Variants in LYZL1 observed in about 807,000 individuals in gnomAD.
The protein encoded by LYZL1 is lysozyme-like protein 1.
In LYZL1, 16 loss-of-function variants were observed where a neutral mutation model predicts 17.9. That is an observed-to-expected ratio of 0.90 (90% CI 0.61 to 1.36). The LOEUF is 1.36. Among genes scored for constraint, LYZL1 ranks in the 40% most tolerant of loss-of-function variants. LYZL1 has a pLI of 0.00. For missense variants in LYZL1, 149 were observed against 188.4 expected, an observed-to-expected ratio of 0.79 and a Z score of 1.22; for synonymous variants, 58 against 71.8, an observed-to-expected ratio of 0.81 and a Z score of 0.97.
downstream of LYZL1, among the ~76,000 whole-genome samples, chr10:29,311,410 C>T (rs1387945733): frequency 6.6e-6 from 1 of 151,998 alleles, no homozygotes; most frequent in Admixed American, 6.6e-5. Flanking sequence ...CAGGGCCATC[C>T]TCAGAAACAG....
intron 3 of LYZL1, among the ~76,000 whole-genome samples, chr10:29,300,239 A>AT (rs36122374): frequency 0.34 from 51,963 of 151,340 alleles, 9,180 homozygotes; most frequent in African/African-American, 0.45. Context: ...TTTCTTTGGA[A>AT]TTAAAAAAAA....
intron 3 of LYZL1, among the ~76,000 whole-genome samples, chr10:29,302,459 T>C (rs1172295537): frequency 2.0e-5 from 3 of 152,220 alleles, no homozygotes; most frequent in African/African-American, 4.8e-5. Context: ...TGATTATTCA[T>C]AAACGGGTGG....
chr10:29,302,666 G>A (rs1228410629), intron 3 of LYZL1, among the ~76,000 whole-genome samples: 1 of 152,170 alleles, frequency 6.6e-6, no homozygotes, highest in Non-Finnish European at 1.5e-5. Context: ...TCCCTACAGG[G>A]GAAATTCCCT....
chr10:29,314,543 G>A (rs186385325), downstream of LYZL1, among the ~76,000 whole-genome samples: 9 of 152,218 alleles, frequency 5.9e-5, no homozygotes, highest in Admixed American at 5.9e-4. Context: ...GAGCCCAGGA[G>A]TTTGAGGCTT....
At chr10:29,295,406 C>T (rs183785849) in intron 3 of LYZL1, among the ~76,000 whole-genome samples, 3 of 152,322 alleles carry the variant, frequency 2.0e-5, no homozygotes, top group South Asian at 2.1e-4. Flanking sequence ...TATTCACTTT[C>T]CATAGGCATG....
chr10:29,292,480 C>T (rs752270939), intron 2 of LYZL1, 39 bp from the exon 3 acceptor site: 1 of 1,605,162 alleles, frequency 6.2e-7, no homozygotes, highest in Non-Finnish European at 8.5e-7. Flanking sequence ...GCAAAAGATG[C>T]ACTTCCTTTG....
At chr10:29,293,321 G>A (rs1415133003) in intron 3 of LYZL1, among the ~76,000 whole-genome samples, 1 of 151,696 alleles carries the variant, frequency 6.6e-6, no homozygotes, top group Non-Finnish European at 1.5e-5. Context: ...TCTGGCTATG[G>A]AGTCCCGTTA....
intron 4 of LYZL1, 152 bp from the exon 5 acceptor site, chr10:29,310,838 G>A: frequency 8.8e-7 from 1 of 1,137,058 alleles, no homozygotes; most frequent in Non-Finnish European, 1.3e-6. Context: ...TCTGAACTAG[G>A]CAAAAGGACA....
intron 3 of LYZL1, among the ~76,000 whole-genome samples, chr10:29,300,671 T>TTTTTGG (rs1398052977): frequency 6.6e-6 from 1 of 152,220 alleles, no homozygotes; most frequent in Non-Finnish European, 1.5e-5. Flanking sequence ...CTTTACCTTC[T>TTTTTGG]TTTTGGTTTT....
chr10:29,309,177 A>G (rs1835636286), intron 3 of LYZL1, among the ~76,000 whole-genome samples: 1 of 151,942 alleles, frequency 6.6e-6, no homozygotes, highest in South Asian at 2.1e-4. Flanking sequence ...AAAAATACAA[A>G]AATTAGCCCA....
At chr10:29,312,940 C>T (rs530559552), downstream of LYZL1, among the ~76,000 whole-genome samples, 62 of 152,276 alleles carry the variant, frequency 4.1e-4, no homozygotes, top group Admixed American at 1.2e-3. Context: ...AAGTTTCCCA[C>T]TTAGAAGAAA....
chr10:29,309,382 T>C (rs1157057744), intron 3 of LYZL1, among the ~76,000 whole-genome samples: 1 of 152,090 alleles, frequency 6.6e-6, no homozygotes, highest in African/African-American at 2.4e-5. Context: ...TGGATAAAAA[T>C]TTTTTAAGGC....
chr10:29,300,437 T>C (rs4396191), intron 3 of LYZL1, among the ~76,000 whole-genome samples: 51,150 of 151,980 alleles, frequency 0.34, 8,824 homozygotes, highest in South Asian at 0.43. Flanking sequence ...ATTTCATCCT[T>C]TGTGCCATGT....
intron 3 of LYZL1, among the ~76,000 whole-genome samples, chr10:29,293,732 G>A (rs1021310425): frequency 5.9e-5 from 9 of 152,060 alleles, no homozygotes; most frequent in Non-Finnish European, 1.2e-4. Context: ...CAGCACTTTG[G>A]GAGGCCGAGG....
At chr10:29,295,674 A>G (rs1835437369) in intron 3 of LYZL1, among the ~76,000 whole-genome samples, 1 of 152,206 alleles carries the variant, frequency 6.6e-6, no homozygotes, top group African/African-American at 2.4e-5. Context: ...ATGTGGGTGG[A>G]ACCAGTCTAA....
chr10:29,310,915 C>T (rs2132838343), intron 4 of LYZL1, 75 bp from the exon 5 acceptor site: 1 of 1,611,872 alleles, frequency 6.2e-7, no homozygotes, highest in Non-Finnish European at 8.5e-7. Flanking sequence ...TGGTTAATTT[C>T]TGTAGGCTTT....
chr10:29,299,783 C>T (rs1168736066), intron 3 of LYZL1, among the ~76,000 whole-genome samples: 3 of 152,178 alleles, frequency 2.0e-5, no homozygotes, highest in Non-Finnish European at 4.4e-5. Flanking sequence ...ATGTTTCTTT[C>T]CATCCTTTTA....
chr10:29,305,256 C>T (rs561200477), intron 3 of LYZL1, among the ~76,000 whole-genome samples: 1 of 152,082 alleles, frequency 6.6e-6, no homozygotes, highest in East Asian at 1.9e-4. Context: ...GTACCAAATG[C>T]TTAAATTTGG....
chr10:29,306,837 A>ATT (rs1228465030), intron 3 of LYZL1, among the ~76,000 whole-genome samples: 2 of 112,512 alleles, frequency 1.8e-5, no homozygotes, highest in Non-Finnish European at 3.6e-5. Context: ...TGTGAAAGAG[A>ATT]TTGAGAGAGA....
Sources: allele counts gnomAD v4.1 joint callset (sites outside exome capture counted in the v4.1 genomes callset), GRCh38; gene constraint gnomAD v4.1.1; transcripts MANE v1.5; gene names NCBI Gene and HGNC (gene_info 2026-07-23, HGNC 2026-07-21).